Variants in HTR3A observed in about 807,000 individuals in gnomAD.
HTR3A encodes the protein 5-hydroxytryptamine receptor 3A, also known as 5-hydroxytryptamine (serotonin) receptor 3A, ionotropic.
HTR3A carries 45 observed loss-of-function variants against 54.8 expected under a neutral mutation model. The observed-to-expected ratio is 0.82, with a 90% CI of 0.65 to 1.05. The LOEUF (loss-of-function observed/expected upper bound fraction) is 1.05, where lower values mean the gene tolerates loss of function less well. Among genes scored for constraint, HTR3A ranks in the 50% least tolerant of loss-of-function variants. HTR3A has a pLI of 0.00. For missense variants in HTR3A, 657 were observed against 614.0 expected (o/e 1.07, Z -0.74); for synonymous variants, 297 against 256.0 (o/e 1.16, Z -1.53).
Position 113,984,762 on chromosome 11 carries a change from C to T in HTR3A, c.545-1253C>T, listed in dbSNP as rs1050525974. On this transcript the variant is annotated intron_variant, in intron 5 of 8. Transcript: ENST00000504030. ...TGAAACCCCGTCTCTATTAAAAATA[C>T]AAAAAATTAGCCAGGTGCAGTGGCA... Among the ~76,000 whole-genome samples the T allele has an allele frequency of 2.0e-5, 3 of 152,068 alleles. No individual in the cohort carries two copies. In the South Asian group the frequency reaches 6.2e-4, roughly 32 times the overall value.
At chr11:113,977,745 C>G in intron 1 of HTR3A, 26 bp from the exon 2 acceptor site, 1 of 1,612,656 alleles carries the variant, frequency 6.2e-7, no homozygotes, top group East Asian at 2.2e-5. Flanking sequence ...GGGCTGGTGT[C>G]TACTTTGAAC....
At chr11:113,975,982 G>C (rs1150224) in intron 1 of HTR3A, among the ~76,000 whole-genome samples, 143,842 of 152,054 alleles carry the variant, frequency 0.95, 68,571 homozygotes, top group East Asian at 1. Context: ...CTCCACATTC[G>C]CTACACCCAT....
At chr11:113,981,340 G>T in intron 4 of HTR3A, 28 bp downstream of exon 4, 1 of 1,448,734 alleles carries the variant, frequency 6.9e-7, no homozygotes, top group Non-Finnish European at 9.7e-7. Flanking sequence ...TTGTGAGGTG[G>T]CTGGGTGGCT....
At position 113,975,209 on chromosome 11, in the gene HTR3A, A is replaced by G; in HGVS notation, c.-117A>G. 1 of 912,858 alleles carries G rather than the reference A, an allele frequency of 1.1e-6. No homozygotes were observed. Among genetic ancestry groups the G allele is most frequent in the Non-Finnish European group, 1.8e-6 (1 of 570,216 alleles). 56.5% of individuals were successfully genotyped at this position (912,858 alleles called of 1,614,324 possible). ...GGCTGCAGCCTCAGAAGGTGTGAGC[A>G]GTGGCCACGAGAGGCAGGCTGGCTG... On this transcript the variant is annotated 5_prime_UTR_variant, in exon 1 of 9. Transcript: ENST00000504030.
At chr11:113,976,600 TGTGTG>T (rs1950354426) in intron 1 of HTR3A, among the ~76,000 whole-genome samples, 1 of 148,496 alleles carries the variant, frequency 6.7e-6, no homozygotes, top group Non-Finnish European at 1.5e-5. Flanking sequence ...TGTGTGTGTG[TGTGTG>T]TGTGTGTGTT....
rs774865014 is a variant in HTR3A at position 113,990,280 on chromosome 11, G to T, written c.*517G>T. 2.3e-6 allele frequency: 1 copy of T among 435,968 alleles called. No individual in the cohort carries two copies. The highest frequency in any genetic ancestry group is 1.6e-5 in the South Asian group (1 of 61,694). 27.0% of individuals were successfully genotyped at this position (435,968 alleles called of 1,614,324 possible). On this transcript the variant is annotated 3_prime_UTR_variant, in exon 9 of 9. Transcript: ENST00000504030. Reference sequence around the variant, plus strand: ...ACACTCATCCCCCATCAGATGATGGGAGTGGGAAGAATAAAATGCAGTGAA... The same window carrying T: ...ACACTCATCCCCCATCAGATGATGGTAGTGGGAAGAATAAAATGCAGTGAA...
At chr11:113,984,317 G>C (rs1049292808) in intron 5 of HTR3A, among the ~76,000 whole-genome samples, 10 of 152,126 alleles carry the variant, frequency 6.6e-5, no homozygotes, top group African/African-American at 2.4e-4. Context: ...TTCTCTCCTA[G>C]ATATAAACTT....
chr11:113,977,891 T>C lies in HTR3A; in HGVS notation c.188T>C (p.Ile63Thr), dbSNP rs775236938. ...RDWRKPTTVS[I>T]DVIVYAILNV... ...TGGAGGAAGCCAACCACCGTATCCA[T>C]TGACGTCATTGTCTATGCCATCCTC... is the stretch of plus-strand genomic sequence containing the variant. Residue 63 changes from isoleucine to threonine, a missense_variant, in exon 2 of 9, where the codon ATT becomes ACT. Ile to Thr is a moderately conservative substitution (Grantham distance 89). Coordinates refer to ENST00000504030, the MANE Select transcript of HTR3A (RefSeq NM_000869.6). 2 of 1,614,212 alleles carry C rather than the reference T, an allele frequency of 1.2e-6. No homozygotes were observed. Among genetic ancestry groups the C allele is most frequent in the South Asian group, 2.2e-5 (2 of 91,084 alleles).
intron 2 of HTR3A, among the ~76,000 whole-genome samples, 156 bp downstream of exon 2, chr11:113,978,078 T>G (rs1210229349): frequency 1.3e-5 from 2 of 152,214 alleles, no homozygotes; most frequent in Non-Finnish European, 1.5e-5. Flanking sequence ...TAGCATCATC[T>G]GCACAGCTGC....
intron 8 of HTR3A, among the ~76,000 whole-genome samples, chr11:113,987,667 A>AGGCTGCAGGG (rs1247564762): frequency 6.6e-6 from 1 of 152,116 alleles, no homozygotes; most frequent in Non-Finnish European, 1.5e-5. Flanking sequence ...CAGGAGGTTG[A>AGGCTGCAGGG]GGCTGCAGGG....
chr11:113,981,727 G>A (rs915873965), intron 4 of HTR3A, among the ~76,000 whole-genome samples: 2 of 152,140 alleles, frequency 1.3e-5, no homozygotes, highest in African/African-American at 4.8e-5. Flanking sequence ...GGAGGCCGAG[G>A]CGGGTAGATC....
At chr11:113,977,466 C>CT (rs869229109) in intron 1 of HTR3A, 8 of 1,458,964 alleles carry the variant, frequency 5.5e-6, no homozygotes, top group South Asian at 3.7e-5. Flanking sequence ...CCACCTGCTC[C>CT]GACCTTCTTA....
At chr11:113,977,605 T>C (rs920498670) in intron 1 of HTR3A, 166 bp from the exon 2 acceptor site, 2 of 1,517,744 alleles carry the variant, frequency 1.3e-6, no homozygotes, top group African/African-American at 2.8e-5. Context: ...GGTAGAAATC[T>C]CTGCAGACAA....
At chr11:113,976,055 G>T (rs558756133) in intron 1 of HTR3A, among the ~76,000 whole-genome samples, 2 of 152,134 alleles carry the variant, frequency 1.3e-5, no homozygotes, top group Non-Finnish European at 2.9e-5. Context: ...TCCTTTTGCT[G>T]CAGACCATGT....
In HTR3A at chr11:113,977,707, G is replaced by A. The variant is rs111748101; in HGVS notation, c.68-64G>A. ...GTCTCTTTTAACAGCTTACAAACCA[G>A]GACAAGAGAACCGGGGGAAGTCTTG... On this transcript the variant is annotated intron_variant, in intron 1 of 8. Transcript: ENST00000504030. The A allele has an allele frequency of 1.6e-4, 249 of 1,583,304 alleles. No individual in the cohort carries two copies. The African/African-American group carries it at 3.1e-3, about 20-fold the overall frequency.
rs369200801 is a variant in HTR3A at position 113,989,603 on chromosome 11, G to A, written c.1277G>A (p.Arg426Gln). Residue 426 changes from arginine (R) to glutamine (Q), a missense_variant, in exon 9 of 9, where the codon CGG (arginine) becomes CAG (glutamine). Transcript: ENST00000504030. This position sits in a 1 kb window ranked among gnomAD's most constrained non-coding sequence, Gnocchi z 4.4. ...CTGCTGCAGGAGCTGTCCTCCATCCGGCAATTCCTGGAAAAGCGGGATGAG... is the reference window on the plus strand; with the variant it reads ...CTGCTGCAGGAGCTGTCCTCCATCCAGCAATTCCTGGAAAAGCGGGATGAG... ...CGLLQELSSI[R>Q]QFLEKRDEIR... The A allele has an allele frequency of 1.1e-5, 18 of 1,614,156 alleles. No individual in the cohort carries two copies. Among genetic ancestry groups the A allele is most frequent in the Middle Eastern group, 3.3e-4 (2 of 6,062 alleles).
intron 5 of HTR3A, 104 bp downstream of exon 5, chr11:113,983,393 C>T: frequency 8.4e-7 from 1 of 1,195,400 alleles, no homozygotes; most frequent in Non-Finnish European, 1.2e-6. Context: ...ATCCAGCCTA[C>T]TAATGCCCTG....
At chr11:113,979,302 C>G in intron 3 of HTR3A, 25 bp downstream of exon 3, 1 of 1,586,022 alleles carries the variant, frequency 6.3e-7, no homozygotes, top group East Asian at 2.2e-5. Context: ...CCCTCCCTGC[C>G]CCCGTTACCC....
rs372044096 is a variant in HTR3A at position 113,989,426 on chromosome 11, G to T, written c.1139-39G>T. ...GGAACCATGTTCAGGTCACCACCCG[G>T]GGTCTCCCTCTCTTGCCAATGCCCT... is the stretch of plus-strand genomic sequence containing the variant. On this transcript the variant is annotated intron_variant, in intron 8 of 8. Coordinates refer to ENST00000504030, the MANE Select transcript of HTR3A (RefSeq NM_000869.6). This position sits in a 1 kb window ranked among gnomAD's most constrained non-coding sequence, Gnocchi z 4.4. 88 of 1,611,464 alleles carry T rather than the reference G, an allele frequency of 5.5e-5. 1 individual carries two copies. In the Middle Eastern group the frequency reaches 1.4e-3, roughly 25 times the overall value.
Sources: gnomAD v4.1 joint callset for allele counts (sites outside exome capture counted in the v4.1 genomes callset) on GRCh38, gnomAD v4.1.1 for gene constraint, Gnocchi (gnomAD v3.1) non-coding constraint, MANE v1.5 for transcripts, NCBI Gene and HGNC (gene_info 2026-07-23, HGNC 2026-07-21) for gene names.